Variants in CACNA1E observed in about 807,000 individuals in gnomAD.
CACNA1E encodes calcium voltage-gated channel subunit alpha1 E.
A neutral mutation model predicts 259.2 loss-of-function variants in CACNA1E; 40 were observed. That is an observed-to-expected ratio of 0.15 (90% CI 0.12 to 0.20). The LOEUF is 0.20. Among genes scored for constraint, CACNA1E ranks in the 10% least tolerant of loss-of-function variants. The pLI is 1.00. For synonymous variants in CACNA1E, 1,104 were observed against 1,138.5 expected, an observed-to-expected ratio of 0.97 and a Z score of 0.61; for missense variants, 1,874 against 3,040.1, an observed-to-expected ratio of 0.62 and a Z score of 9.02.
chr1:181,506,496 C>T (rs189405115), intron 1 of CACNA1E, among the ~76,000 whole-genome samples: 1 of 152,296 alleles, frequency 6.6e-6, no homozygotes, highest in East Asian at 1.9e-4. Context: ...TGAACATTGA[C>T]TAAGCTCCTA....
At chr1:181,558,971 C>T (rs950788978) in intron 3 of CACNA1E, among the ~76,000 whole-genome samples, 77 of 152,108 alleles carry the variant, frequency 5.1e-4, no homozygotes, top group African/African-American at 1.8e-3. Context: ...AAGTTGAGAC[C>T]TGGAAGATGA....
At chr1:181,430,438 G>C (rs139540767) in intron 2 of CACNA1E, among the ~76,000 whole-genome samples, 1 of 151,988 alleles carries the variant, frequency 6.6e-6, no homozygotes, top group Non-Finnish European at 1.5e-5. Context: ...GTGCAGCTGC[G>C]GGCATGTCCT....
rs1326265390 is a variant in CACNA1E, at chr1:181,793,647, CTG to C, written c.5899-12_5899-11del. 4.4e-6 allele frequency: 7 copies of C among 1,606,200 alleles called. No homozygotes were observed. Among genetic ancestry groups the C allele is most frequent in the Non-Finnish European group, 5.9e-6 (7 of 1,177,036 alleles). On this transcript the variant is annotated splice_polypyrimidine_tract_variant and intron_variant, in intron 44 of 47. Coordinates refer to ENST00000367573, the MANE Select transcript of CACNA1E (RefSeq NM_001205293.3). ...ATGGAACCAAGTCCCACAAGCTTGGCTGTGTGTTTATTTCCAGGAGCCAGAGG... is the reference window on the plus strand; with the variant it reads ...ATGGAACCAAGTCCCACAAGCTTGGCTGTGTTTATTTCCAGGAGCCAGAGG...
chr1:181,592,110 A>AGTC (rs1413568786), intron 6 of CACNA1E, among the ~76,000 whole-genome samples: 23 of 152,296 alleles, frequency 1.5e-4, no homozygotes, highest in African/African-American at 5.5e-4. Context: ...TATCCCTGAG[A>AGTC]AATTCAAAAG....
chr1:181,339,587 A>T (rs1370893647), intron 1 of CACNA1E, among the ~76,000 whole-genome samples: 3 of 151,994 alleles, frequency 2.0e-5, no homozygotes, highest in African/African-American at 7.3e-5. Flanking sequence ...CTTCCAAGGA[A>T]ATTGTAGAGT....
chr1:181,380,860 G>A (rs1279307347), intron 1 of CACNA1E, among the ~76,000 whole-genome samples: 1 of 152,206 alleles, frequency 6.6e-6, no homozygotes, highest in Non-Finnish European at 1.5e-5. Flanking sequence ...ATTTACCCAA[G>A]GGTAATGAAA....
chr1:181,704,495 C>T (rs1192092439), intron 7 of CACNA1E, among the ~76,000 whole-genome samples: 1 of 152,068 alleles, frequency 6.6e-6, no homozygotes, highest in Non-Finnish European at 1.5e-5. Flanking sequence ...TTACAGGAAC[C>T]TTGGCAAGGT....
intron 7 of CACNA1E, among the ~76,000 whole-genome samples, chr1:181,658,459 G>T (rs1459147661): frequency 6.6e-6 from 1 of 152,220 alleles, no homozygotes; most frequent in African/African-American, 2.4e-5. Context: ...TGTAAAATGG[G>T]ATAGCAATAG....
chr1:181,606,216 T>C (rs1226416858), intron 6 of CACNA1E, among the ~76,000 whole-genome samples: 1 of 152,172 alleles, frequency 6.6e-6, no homozygotes, highest in East Asian at 1.9e-4. Flanking sequence ...AATCAGCTAC[T>C]GTTAGCACCG....
intron 3 of CACNA1E, among the ~76,000 whole-genome samples, chr1:181,532,312 C>G (rs59330500): frequency 0.08 from 12,199 of 152,314 alleles, 620 homozygotes; most frequent in South Asian, 0.25. Flanking sequence ...CCTCTCCCCA[C>G]TCTTCCTGGA....
chr1:181,542,733 G>A (rs72731272), intron 3 of CACNA1E, among the ~76,000 whole-genome samples: 11,894 of 151,712 alleles, frequency 0.078, 619 homozygotes, highest in South Asian at 0.25. Flanking sequence ...ACCCAGTCCC[G>A]AGCAGTTCTT....
At chr1:181,548,169 G>T (rs1307852482) in intron 3 of CACNA1E, among the ~76,000 whole-genome samples, 1 of 139,820 alleles carries the variant, frequency 7.2e-6, no homozygotes, top group Non-Finnish European at 1.5e-5. Context: ...CTGTCACCCA[G>T]GCTGGAGTGC....
At chr1:181,650,590 G>A (rs1024560014) in intron 6 of CACNA1E, among the ~76,000 whole-genome samples, 2 of 152,182 alleles carry the variant, frequency 1.3e-5, no homozygotes, top group Non-Finnish European at 2.9e-5. Flanking sequence ...AAGATATCCT[G>A]CTAAGAATTG....
At chr1:181,743,357 C>A (rs1049293448) in intron 25 of CACNA1E, among the ~76,000 whole-genome samples, 6 of 152,214 alleles carry the variant, frequency 3.9e-5, no homozygotes, top group African/African-American at 1.4e-4. Context: ...GGACCAGAAA[C>A]CGCTTTGTCT....
At position 181,476,106 on chromosome 1, in the gene CACNA1E, G is replaced by A. The variant is rs566276523; in HGVS notation, c.435-7638G>A. On this transcript the variant is annotated intron_variant, in intron 2 of 11. Coordinates refer to the CACNA1E transcript ENST00000524607. ...CTGAGGAGAGGGGGAGGTCAGTGGT[G>A]TCAAATGCTGCAGAGTGGTCAAGTA... Among the ~76,000 whole-genome samples, 6 of 152,240 alleles carry A rather than the reference G, an allele frequency of 3.9e-5. No individual in the cohort carries two copies. In the East Asian group the frequency reaches 1.2e-3, roughly 29 times the overall value.
chr1:181,517,908 T>C (rs1371803033), intron 3 of CACNA1E, among the ~76,000 whole-genome samples: 16 of 152,134 alleles, frequency 1.1e-4, no homozygotes, highest in Admixed American at 1.0e-3. Context: ...GGAAGAGTTG[T>C]GAATGCAGTC....
At chr1:181,616,828 C>CTCTTA (rs1345651588) in intron 6 of CACNA1E, among the ~76,000 whole-genome samples, 1 of 152,058 alleles carries the variant, frequency 6.6e-6, no homozygotes, top group Non-Finnish European at 1.5e-5. Flanking sequence ...TTTTTTATGT[C>CTCTTA]TCTTATAAGT....
chr1:181,651,191 G>C, intron 6 of CACNA1E, 147 bp from the exon 7 acceptor site: 1 of 588,112 alleles, frequency 1.7e-6, no homozygotes, highest in Non-Finnish European at 3.0e-6. Context: ...CTAACTCACG[G>C]TAATACCAAA....
At chr1:181,494,896 G>C (rs563167265) in intron 1 of CACNA1E, among the ~76,000 whole-genome samples, 18 of 152,330 alleles carry the variant, frequency 1.2e-4, no homozygotes, top group African/African-American at 4.1e-4. Context: ...GTATTAGTCA[G>C]TGTGCGTTGA....
Sources: allele counts gnomAD v4.1 joint callset (sites outside exome capture counted in the v4.1 genomes callset), GRCh38; gene constraint gnomAD v4.1.1; transcripts MANE v1.5; gene names NCBI Gene and HGNC (gene_info 2026-07-23, HGNC 2026-07-21).